Variants in NDUFA10 observed in about 807,000 individuals in gnomAD.
The protein encoded by NDUFA10 is NADH:ubiquinone oxidoreductase subunit A10, also known as NADH dehydrogenase [ubiquinone] 1 alpha subcomplex subunit 10, mitochondrial.
Under a neutral mutation model 47.8 loss-of-function variants are expected in NDUFA10, and 40 were observed. That is an observed-to-expected ratio of 0.84 (90% confidence interval 0.65 to 1.09). The LOEUF is 1.09. NDUFA10 is among the 50% of genes least tolerant of loss of function. The probability of loss-of-function intolerance (pLI) is 0.00; values close to 1 mark genes in which losing one functional copy is unlikely to be tolerated. For synonymous variants in NDUFA10, 183 were observed against 172.2 expected, an observed-to-expected ratio of 1.06 and a Z score of -0.49; for missense variants, 413 against 451.1, an observed-to-expected ratio of 0.92 and a Z score of 0.76.
intron 5 of NDUFA10, chr2:240,014,331 TA>T: frequency 3.3e-6 from 1 of 306,454 alleles, no homozygotes; most frequent in Non-Finnish European, 6.4e-6. Context: ...TTGCGTTAAA[TA>T]GATTGAAGTG....
intron 8 of NDUFA10, among the ~76,000 whole-genome samples, chr2:239,992,435 T>TAAC (rs1015600271): frequency 1.3e-5 from 2 of 152,248 alleles, no homozygotes; most frequent in Non-Finnish European, 2.9e-5. Context: ...CTTTGTCCTA[T>TAAC]AACATTTCCA....
chr2:240,013,809 G>T (rs1032574615), intron 5 of NDUFA10: 1 of 152,334 alleles, frequency 6.6e-6, no homozygotes, highest in East Asian at 1.9e-4. Flanking sequence ...ATCAGAGTGA[G>T]GAACAGGCAG....
intron 9 of NDUFA10, among the ~76,000 whole-genome samples, chr2:239,982,437 T>C (rs935604117): frequency 1.3e-5 from 2 of 152,234 alleles, no homozygotes; most frequent in African/African-American, 4.8e-5. Flanking sequence ...CAATAATTCT[T>C]GCTAAACCTC....
chr2:239,930,955 G>T (rs111297234), intron 4 of NDUFA10, among the ~76,000 whole-genome samples: 1 of 146,502 alleles, frequency 6.8e-6, no homozygotes, highest in Non-Finnish European at 1.5e-5. Context: ...GCCCAGGAGG[G>T]GGGGCAGGGT....
intron 8 of NDUFA10, among the ~76,000 whole-genome samples, chr2:239,995,883 T>C (rs937758623): frequency 6.6e-6 from 1 of 152,278 alleles, no homozygotes. Context: ...TTCAAGAAGA[T>C]AATAACCTAA....
intron 4 of NDUFA10, among the ~76,000 whole-genome samples, chr2:239,922,520 T>C (rs1033191794): frequency 6.6e-6 from 1 of 152,178 alleles, no homozygotes; most frequent in Non-Finnish European, 1.5e-5. Flanking sequence ...ATAGTGACCA[T>C]GTGTTCCTCT....
Position 239,957,435 on chromosome 2 carries a change from G to A in NDUFA10, c.*3683C>T, listed in dbSNP as rs1174496091. 6.6e-6 allele frequency: 1 copy of A among 152,110 alleles called. No homozygotes were observed. The highest frequency in any genetic ancestry group is 1.5e-5 in the Non-Finnish European group (1 of 68,020). 9.4% of individuals were successfully genotyped at this position (152,110 alleles called of 1,614,324 possible). On this transcript the variant is annotated 3_prime_UTR_variant, in exon 10 of 10. Coordinates refer to ENST00000252711, the MANE Select transcript of NDUFA10 (RefSeq NM_004544.4). Reference sequence around the variant, plus strand: ...CACTAAAATGAGAGCTTCCCAAAATGTAACCAGCAATTGGATCTAACTAAC... The same window carrying A: ...CACTAAAATGAGAGCTTCCCAAAATATAACCAGCAATTGGATCTAACTAAC...
intron 4 of NDUFA10, among the ~76,000 whole-genome samples, chr2:239,909,376 GC>G (rs1450443829): frequency 1.3e-5 from 2 of 152,184 alleles, no homozygotes; most frequent in Non-Finnish European, 2.9e-5. Flanking sequence ...ACTTTGGGAG[GC>G]CGAGGCAGGC....
At chr2:239,964,174 T>C (rs1437612818) in intron 9 of NDUFA10, among the ~76,000 whole-genome samples, 1 of 152,036 alleles carries the variant, frequency 6.6e-6, no homozygotes, top group Non-Finnish European at 1.5e-5. Flanking sequence ...TGTGAACACA[T>C]GAGCTCACCT....
intron 4 of NDUFA10, chr2:240,017,720 G>A (rs1289192055): frequency 3.1e-6 from 3 of 973,016 alleles, no homozygotes; most frequent in Non-Finnish European, 4.8e-6. Context: ...CGGGCTTGCA[G>A]TGCTCTTGCG....
chr2:239,947,269 A>G (rs1204197627), intron 4 of NDUFA10, among the ~76,000 whole-genome samples: 2 of 152,206 alleles, frequency 1.3e-5, no homozygotes, highest in Non-Finnish European at 2.9e-5. Flanking sequence ...AAGTCATACC[A>G]GGACAGCCCT....
chr2:239,961,829 G>A (rs1398497707), intron 9 of NDUFA10, among the ~76,000 whole-genome samples: 1 of 152,210 alleles, frequency 6.6e-6, no homozygotes, highest in Non-Finnish European at 1.5e-5. Context: ...CAGGAGGAGC[G>A]GATGCTGCCA....
intron 9 of NDUFA10, among the ~76,000 whole-genome samples, chr2:239,964,555 G>T (rs1694986349): frequency 6.6e-6 from 1 of 152,130 alleles, no homozygotes; most frequent in Non-Finnish European, 1.5e-5. Flanking sequence ...GAGATACCGG[G>T]TCACATCTGT....
chr2:239,994,068 C>G (rs1026654449), intron 8 of NDUFA10, among the ~76,000 whole-genome samples: 1 of 152,176 alleles, frequency 6.6e-6, no homozygotes, highest in Non-Finnish European at 1.5e-5. Context: ...TCCCGCCCCA[C>G]AGAAGTGCTG....
intron 4 of NDUFA10, among the ~76,000 whole-genome samples, chr2:239,935,719 G>T (rs1694253907): frequency 6.6e-6 from 1 of 152,200 alleles, no homozygotes; most frequent in Non-Finnish European, 1.5e-5. Context: ...ATGGTAGGGA[G>T]TAAGTCTCAC....
chr2:239,902,237 C>T (rs1020699015), intron 4 of NDUFA10, among the ~76,000 whole-genome samples: 1 of 152,160 alleles, frequency 6.6e-6, no homozygotes, highest in East Asian at 1.9e-4. Context: ...TCAACAGATG[C>T]AGCAAACTTC....
chr2:239,893,830 C>T (rs111385007), intron 5 of NDUFA10, among the ~76,000 whole-genome samples: 1 of 152,214 alleles, frequency 6.6e-6, no homozygotes, highest in Admixed American at 6.5e-5. Context: ...CTGAGCTCCA[C>T]CATCCCAGCC....
At chr2:240,006,785 A>G (rs1696962904) in intron 7 of NDUFA10, among the ~76,000 whole-genome samples, 1 of 152,300 alleles carries the variant, frequency 6.6e-6, no homozygotes, top group Admixed American at 6.5e-5. Flanking sequence ...GTTTTGTTCC[A>G]TTAAGCTCTT....
chr2:239,985,966 CAA>C (rs1425146256), intron 9 of NDUFA10, among the ~76,000 whole-genome samples: 2 of 148,120 alleles, frequency 1.4e-5, no homozygotes, highest in African/African-American at 5.0e-5. Context: ...GCCAAAGGCT[CAA>C]AGAGTGTTAT....
Sources: allele counts gnomAD v4.1 joint callset (sites outside exome capture counted in the v4.1 genomes callset), GRCh38; gene constraint gnomAD v4.1.1; transcripts MANE v1.5; gene names NCBI Gene and HGNC (gene_info 2026-07-23, HGNC 2026-07-21).